Variants in AFDN observed in about 807,000 individuals in gnomAD.
AFDN encodes afadin.
A neutral mutation model predicts 216.6 loss-of-function variants in AFDN; 68 were observed. The observed-to-expected ratio is 0.31, with a 90% CI of 0.26 to 0.38. The LOEUF is 0.38. Ranked by LOEUF, AFDN falls within the 10% of genes least tolerant of loss-of-function variation. AFDN has a pLI of 1.00. For missense variants in AFDN, 2,136 were observed against 2,342.0 expected, an observed-to-expected ratio of 0.91 and a Z score of 1.82; for synonymous variants, 868 against 853.7, an observed-to-expected ratio of 1.02 and a Z score of -0.29.
intron 31 of AFDN, chr6:167,964,880 A>G: frequency 9.4e-7 from 1 of 1,064,786 alleles, no homozygotes; most frequent in African/African-American, 1.6e-5. Flanking sequence ...CTTGTGCTCT[A>G]AAACTTTTGT....
intron 1 of AFDN, among the ~76,000 whole-genome samples, chr6:167,855,897 C>T (rs1160480135): frequency 6.6e-6 from 1 of 152,138 alleles, no homozygotes; most frequent in Admixed American, 6.6e-5. Context: ...AGTAGTCCCA[C>T]CTATCCACTG....
At chr6:167,923,886 A>G (rs1413792583) in intron 22 of AFDN, among the ~76,000 whole-genome samples, 3 of 151,798 alleles carry the variant, frequency 2.0e-5, no homozygotes, top group African/African-American at 7.3e-5. Flanking sequence ...CAGCCTCCCA[A>G]AGTGCTGGGA....
At chr6:167,904,195 G>A (rs1004240960) in intron 12 of AFDN, among the ~76,000 whole-genome samples, 2 of 151,348 alleles carry the variant, frequency 1.3e-5, no homozygotes, top group East Asian at 1.9e-4. Flanking sequence ...CTCTCCAGAC[G>A]CATATCTCTC....
chr6:167,884,099 C>G (rs1017631711), intron 6 of AFDN, among the ~76,000 whole-genome samples: 2 of 152,222 alleles, frequency 1.3e-5, no homozygotes, highest in African/African-American at 4.8e-5. Context: ...TGCTTATTCA[C>G]AAGAGGCAAC....
chr6:167,958,704 T>C (rs748250081), intron 30 of AFDN, among the ~76,000 whole-genome samples: 2 of 152,230 alleles, frequency 1.3e-5, no homozygotes, highest in Admixed American at 6.5e-5. Context: ...TTCTTGTTTT[T>C]GTTTGCTTGT....
rs1281322836 is a variant in AFDN at position 167,898,384 on chromosome 6, T to G, written c.1497T>G (p.Phe499Leu). The G allele has an allele frequency of 2.5e-6, 4 of 1,614,096 alleles. No homozygotes were observed. Among genetic ancestry groups the G allele is most frequent in the Non-Finnish European group, 3.4e-6 (4 of 1,180,038 alleles). ...TTGGGGCGTCCCATGTATTTAAGTT[T>G]GTGGACCCCAGTCAGGATCATGCTC... is the stretch of plus-strand genomic sequence containing the variant. Reference protein sequence around the residue: ...VQFGASHVFKFVDPSQDHALA... With the variant: ...VQFGASHVFKLVDPSQDHALA... The change falls in exon 11 of 34, where the codon TTT (phenylalanine) becomes TTG (leucine). Residue 499 changes from phenylalanine to leucine, a missense_variant. By Grantham distance (22) the Phe-to-Leu change is conservative. Coordinates refer to ENST00000683244, the MANE Select transcript of AFDN (RefSeq NM_001386888.1).
At chr6:167,897,057 G>T (rs1583318699) in intron 10 of AFDN, 85 bp downstream of exon 10, 1 of 668,030 alleles carries the variant, frequency 1.5e-6, no homozygotes, top group East Asian at 2.9e-5. Context: ...GGTAATGAAA[G>T]AAGGAATTAT....
chr6:167,870,329 C>G, intron 2 of AFDN, 57 bp from the exon 3 acceptor site: 1 of 1,058,070 alleles, frequency 9.5e-7, no homozygotes, highest in Non-Finnish European at 1.4e-6. Flanking sequence ...CTTGTATTAG[C>G]TAGTTCTATG....
In AFDN at chr6:167,907,174, A is replaced by T; in HGVS notation, c.1654A>T (p.Thr552Ser). ...SGTALPTSKS[T>S]TRLDSDRVSS... Reference sequence around the variant, plus strand: ...GTTGTGCTTTCTCTCCATGTAGAGCACCACTAGGCTGGACAGCGACAGAGT... The same window carrying T: ...GTTGTGCTTTCTCTCCATGTAGAGCTCCACTAGGCTGGACAGCGACAGAGT... The change falls in exon 13 of 34, where the codon ACC becomes TCC. Residue 552 changes from threonine to serine, a missense_variant. Physicochemically the swap from Thr to Ser is moderately conservative, Grantham distance 58. This residue lies in a region of AFDN where 817 missense variants were observed against 965.7 expected (regional missense o/e 0.85). Coordinates refer to ENST00000683244, the MANE Select transcript of AFDN (RefSeq NM_001386888.1). 1 of 1,613,020 alleles carries T rather than the reference A, an allele frequency of 6.2e-7. No homozygotes were observed. Among genetic ancestry groups the T allele is most frequent in the Non-Finnish European group, 8.5e-7 (1 of 1,179,312 alleles).
At chr6:167,958,699 G>C (rs192693911) in intron 30 of AFDN, among the ~76,000 whole-genome samples, 8 of 152,310 alleles carry the variant, frequency 5.3e-5, no homozygotes, top group Admixed American at 5.2e-4. Context: ...CCGCTTTCTT[G>C]TTTTTGTTTG....
intron 30 of AFDN, chr6:167,952,576 G>A (rs1796114328): frequency 3.3e-6 from 3 of 905,600 alleles, no homozygotes; most frequent in Non-Finnish European, 4.0e-6. Context: ...GGCTTTGCAG[G>A]CCACGGGGTC....
intron 1 of AFDN, among the ~76,000 whole-genome samples, chr6:167,838,714 G>A (rs1272847670): frequency 2.0e-5 from 3 of 152,306 alleles, no homozygotes; most frequent in Non-Finnish European, 1.5e-5. Flanking sequence ...ATCTTCTCTG[G>A]TGATGAGCCT....
chr6:167,836,387 C>T (rs541059490), intron 1 of AFDN, among the ~76,000 whole-genome samples: 2 of 152,330 alleles, frequency 1.3e-5, no homozygotes, highest in East Asian at 1.9e-4. Flanking sequence ...TGTGTAAAGA[C>T]GTCTTTTTCT....
chr6:167,844,617 C>G (rs1361365856), intron 1 of AFDN, among the ~76,000 whole-genome samples: 1 of 151,962 alleles, frequency 6.6e-6, no homozygotes, highest in Admixed American at 6.5e-5. Context: ...CCTATGAGTG[C>G]AATTTGAGTC....
At chr6:167,855,656 C>T (rs898450580) in intron 1 of AFDN, among the ~76,000 whole-genome samples, 1 of 152,106 alleles carries the variant, frequency 6.6e-6, no homozygotes. Context: ...ATAGCTTTAA[C>T]AACTGTGGTT....
chr6:167,918,363 A>G (rs1396303273), intron 20 of AFDN, among the ~76,000 whole-genome samples: 2 of 152,218 alleles, frequency 1.3e-5, no homozygotes, highest in Non-Finnish European at 2.9e-5. Flanking sequence ...ATCATTAAAC[A>G]TTCTATACAA....
chr6:167,950,841 C>T (rs1370279115), intron 29 of AFDN, among the ~76,000 whole-genome samples: 2 of 149,562 alleles, frequency 1.3e-5, no homozygotes, highest in Non-Finnish European at 3.0e-5. Flanking sequence ...GAAAGTACAG[C>T]TTTGCTTTTT....
intron 29 of AFDN, among the ~76,000 whole-genome samples, chr6:167,948,912 C>T (rs902621522): frequency 4.6e-5 from 7 of 152,132 alleles, no homozygotes; most frequent in African/African-American, 4.8e-5. Context: ...CAGTCTTGGA[C>T]GAGAACCTGG....
chr6:167,904,341 G>A (rs780362561), intron 12 of AFDN, among the ~76,000 whole-genome samples: 14 of 151,870 alleles, frequency 9.2e-5, no homozygotes, highest in South Asian at 2.1e-4. Context: ...CCTGCGTAGC[G>A]GAGATTACAG....
Sources: gnomAD v4.1 joint callset for allele counts (sites outside exome capture counted in the v4.1 genomes callset) on GRCh38, gnomAD v4.1.1 for gene constraint, gnomAD v4.1.1 regional missense constraint, MANE v1.5 for transcripts, NCBI Gene and HGNC (gene_info 2026-07-23, HGNC 2026-07-21) for gene names.